The following EPHA3 variants were observed in gnomAD, a reference collection of about 807,000 sequenced individuals.
EPHA3 encodes the protein ephrin type-A receptor 3.
In EPHA3, 42 loss-of-function variants were observed where a neutral mutation model predicts 107.1. The observed-to-expected ratio is 0.39, with a 90% confidence interval of 0.31 to 0.51. The LOEUF (loss-of-function observed/expected upper bound fraction) is 0.51. Ranked by LOEUF, EPHA3 falls within the 20% of genes least tolerant of loss-of-function variation. The pLI, the probability that EPHA3 is intolerant of heterozygous loss-of-function variation, is 0.78. For synonymous variants in EPHA3, 461 were observed against 424.8 expected (o/e 1.09, Z -1.05); for missense variants, 1,183 against 1,211.2 (o/e 0.98, Z 0.35).
intron 13 of EPHA3, among the ~76,000 whole-genome samples, chr3:89,437,801 C>A (rs1004395097): frequency 1.3e-5 from 2 of 152,120 alleles, no homozygotes; most frequent in Non-Finnish European, 2.9e-5. Context: ...GCTGGGTAAG[C>A]CATCACTTCA....
At chr3:89,308,674 G>A (rs1161348449) in intron 3 of EPHA3, among the ~76,000 whole-genome samples, 1 of 151,632 alleles carries the variant, frequency 6.6e-6, no homozygotes, top group African/African-American at 2.4e-5. Flanking sequence ...ATTCAACTCA[G>A]CAAACATTAT....
At chr3:89,477,532 A>G (rs1238503211) in intron 16 of EPHA3, among the ~76,000 whole-genome samples, 2 of 152,084 alleles carry the variant, frequency 1.3e-5, no homozygotes, top group Admixed American at 1.3e-4. Flanking sequence ...TTCTTAAGAA[A>G]TCGATTAATC....
At chr3:89,385,206 G>T (rs1708591674) in intron 5 of EPHA3, among the ~76,000 whole-genome samples, 1 of 152,082 alleles carries the variant, frequency 6.6e-6, no homozygotes, top group Non-Finnish European at 1.5e-5. Context: ...TCTTATTTTA[G>T]AGATAATCAA....
At chr3:89,115,500 G>A (rs1346420889) in intron 1 of EPHA3, among the ~76,000 whole-genome samples, 1 of 152,140 alleles carries the variant, frequency 6.6e-6, no homozygotes, top group African/African-American at 2.4e-5. Flanking sequence ...AGCTTGGTGG[G>A]TGGATGATCC....
chr3:89,111,770 A>T (rs542496143), intron 1 of EPHA3, among the ~76,000 whole-genome samples: 1 of 152,220 alleles, frequency 6.6e-6, no homozygotes, highest in South Asian at 2.1e-4. Flanking sequence ...TGTAAAGACT[A>T]GTATCTATAA....
At chr3:89,264,164 T>C (rs1158288510) in intron 3 of EPHA3, among the ~76,000 whole-genome samples, 4 of 152,146 alleles carry the variant, frequency 2.6e-5, no homozygotes, top group Non-Finnish European at 5.9e-5. Flanking sequence ...GTGTGATCTA[T>C]CCTGGGGCAA....
chr3:89,428,446 T>C (rs1188794074), intron 11 of EPHA3, among the ~76,000 whole-genome samples: 1 of 152,154 alleles, frequency 6.6e-6, no homozygotes, highest in East Asian at 1.9e-4. Flanking sequence ...GCTACATATT[T>C]GCAAACTGGT....
chr3:89,473,469 A>C lies in EPHA3; in HGVS notation c.2846+850A>C, dbSNP rs534292223. On this transcript the variant is annotated intron_variant, in intron 16 of 16. Coordinates refer to ENST00000336596, the MANE Select transcript of EPHA3 (RefSeq NM_005233.6). Reference sequence around the variant, plus strand: ...TAGAGTGTTTGGGAATTGATAAATTAAGAGTTGGAAGTCACATTCTTCATC... The same window carrying C: ...TAGAGTGTTTGGGAATTGATAAATTCAGAGTTGGAAGTCACATTCTTCATC... Among the ~76,000 whole-genome samples the C allele has an allele frequency of 3.2e-4, 49 of 152,316 alleles. No homozygotes were observed. The South Asian group carries it at 1.0e-2, about 31-fold the overall frequency.
chr3:89,445,837 A>G (rs1220316241), intron 13 of EPHA3, among the ~76,000 whole-genome samples: 1 of 152,232 alleles, frequency 6.6e-6, no homozygotes, highest in African/African-American at 2.4e-5. Flanking sequence ...AATGTGGCCA[A>G]GATACTTTTC....
chr3:89,372,203 T>C (rs917554510), intron 5 of EPHA3, among the ~76,000 whole-genome samples: 1 of 151,588 alleles, frequency 6.6e-6, no homozygotes, highest in African/African-American at 2.4e-5. Flanking sequence ...CAGTGGGATG[T>C]ACTGACAAGA....
chr3:89,431,779 A>G (rs1183606053), intron 13 of EPHA3, among the ~76,000 whole-genome samples: 1 of 152,138 alleles, frequency 6.6e-6, no homozygotes, highest in African/African-American at 2.4e-5. Flanking sequence ...ATACTGTAAA[A>G]ATGTCAAAAC....
At position 89,359,077 on chromosome 3, in the gene EPHA3, TAGAC is replaced by T. The variant is rs144300384; in HGVS notation, c.1306+16990_1306+16993del. On this transcript the variant is annotated intron_variant, in intron 5 of 16. Transcript: ENST00000336596. ...TTTGGAATTAAATATTCTAGTTAAA[TAGAC>T]AGTTACCACATAAAGTATATAAAAC... is the stretch of plus-strand genomic sequence containing the variant. 4.5e-3 allele frequency among the ~76,000 whole-genome samples: 682 copies of T among 151,280 alleles called. 17 individuals carry two copies. Among genetic ancestry groups the T allele is most frequent in the Middle Eastern group, 0.017 (5 of 290 alleles).
intron 2 of EPHA3, among the ~76,000 whole-genome samples, chr3:89,197,505 T>C (rs569962495): frequency 2.4e-4 from 37 of 152,224 alleles, no homozygotes; most frequent in Non-Finnish European, 4.7e-4. Flanking sequence ...GTTATGCAGA[T>C]AGATGGCAGA....
chr3:89,190,387 C>G (rs2107139044), intron 2 of EPHA3, among the ~76,000 whole-genome samples: 1 of 152,220 alleles, frequency 6.6e-6, no homozygotes, highest in African/African-American at 2.4e-5. Context: ...ATATATCTAC[C>G]AATTAACTGG....
At chr3:89,164,452 C>T (rs1034053201) in intron 2 of EPHA3, among the ~76,000 whole-genome samples, 1 of 152,148 alleles carries the variant, frequency 6.6e-6, no homozygotes, top group Non-Finnish European at 1.5e-5. Context: ...CTGGGATTAA[C>T]TGGAAATCTT....
chr3:89,293,785 G>C (rs1706276477), intron 3 of EPHA3, among the ~76,000 whole-genome samples: 1 of 152,156 alleles, frequency 6.6e-6, no homozygotes, highest in Non-Finnish European at 1.5e-5. Context: ...GGAAATGTGA[G>C]TCAGTTAAAC....
intron 1 of EPHA3, among the ~76,000 whole-genome samples, chr3:89,119,903 T>A (rs996898049): frequency 6.6e-6 from 1 of 152,196 alleles, no homozygotes; most frequent in South Asian, 2.1e-4. Flanking sequence ...CTAGGAACTA[T>A]GTTTATTTCT....
chr3:89,440,379 T>C (rs6771054), intron 13 of EPHA3, among the ~76,000 whole-genome samples: 69,762 of 151,976 alleles, frequency 0.46, 17,165 homozygotes, highest in African/African-American at 0.62. Flanking sequence ...GAAATGTGAA[T>C]TATAACCAGC....
At chr3:89,128,908 G>A (rs554841234) in intron 2 of EPHA3, among the ~76,000 whole-genome samples, 1 of 152,178 alleles carries the variant, frequency 6.6e-6, no homozygotes, top group East Asian at 1.9e-4. Flanking sequence ...ATAATGTGAT[G>A]GGATAGAGTT....
Sources: gnomAD v4.1 joint callset for allele counts (sites outside exome capture counted in the v4.1 genomes callset) on GRCh38, gnomAD v4.1.1 for gene constraint, MANE v1.5 for transcripts, NCBI Gene and HGNC (gene_info 2026-07-23, HGNC 2026-07-21) for gene names.